Variants in LIN54 observed in about 807,000 individuals in gnomAD.
LIN54 encodes lin-54 DREAM MuvB core complex component, also known as protein lin-54 homolog.
Under a neutral mutation model 78.7 loss-of-function variants are expected in LIN54, and 9 were observed. The ratio of observed to expected loss-of-function variants is 0.11; its 90% CI spans 0.07 to 0.20. LIN54 has a LOEUF of 0.20. Among genes scored for constraint, LIN54 ranks in the 10% least tolerant of loss-of-function variants. The pLI is 1.00. For synonymous variants in LIN54, 269 were observed against 318.4 expected (o/e 0.84, Z 1.65); for missense variants, 573 against 889.9 (o/e 0.64, Z 4.53).
intron 3 of LIN54, among the ~76,000 whole-genome samples, chr4:82,978,659 G>A (rs1403320134): frequency 1.3e-5 from 2 of 152,168 alleles, no homozygotes; most frequent in African/African-American, 4.8e-5. Context: ...TTGAGACTTT[G>A]CTAGTATCAT....
chr4:82,969,102 G>A (rs866027591), intron 4 of LIN54, among the ~76,000 whole-genome samples: 6 of 152,110 alleles, frequency 3.9e-5, no homozygotes, highest in Admixed American at 3.9e-4. Context: ...TAGCACCCTC[G>A]GCTCTCACAC....
chr4:82,989,117 G>A (rs1260833862), intron 1 of LIN54, among the ~76,000 whole-genome samples: 1 of 152,006 alleles, frequency 6.6e-6, no homozygotes. Flanking sequence ...GAACCCGGGA[G>A]GCGGAGCTTG....
rs1041311561 is a variant in LIN54, at chr4:82,924,650, T to TCAA, written c.*3449_*3451dup. The TCAA allele has an allele frequency of 1.1e-4, 17 of 152,230 alleles. No individual in the cohort carries two copies. The highest frequency in any genetic ancestry group is 3.9e-4 in the African/African-American group (16 of 41,526). 9.4% of individuals were successfully genotyped at this position (152,230 alleles called of 1,614,324 possible). A position where few individuals can be genotyped will look rare whatever the true frequency, so the allele number is the denominator to read the frequency against. On this transcript the variant is annotated 3_prime_UTR_variant, in exon 13 of 13. Coordinates refer to ENST00000340417, the MANE Select transcript of LIN54 (RefSeq NM_194282.4). The stretch of plus-strand genomic sequence containing the variant: ...TTAATTAAAAAAAACCTTATAGCTT[T>TCAA]CAACTCATAAAATCACATGGATTAA...
Position 82,944,025 on chromosome 4 carries a change from C to T in LIN54, c.1168+2233G>A, listed in dbSNP as rs1017049438. On this transcript the variant is annotated intron_variant, in intron 5 of 12. Transcript: ENST00000340417. ...CTGGGATTACAGGTGTGCACCACCA[C>T]GCCCAACTAATTATTGTATTTTTTC... is the stretch of plus-strand genomic sequence containing the variant. Among the ~76,000 whole-genome samples, 15 of 151,622 alleles carry T rather than the reference C, an allele frequency of 9.9e-5. No homozygotes were observed. The East Asian group carries it at 2.7e-3, about 28-fold the overall frequency.
intron 4 of LIN54, among the ~76,000 whole-genome samples, chr4:82,952,413 A>G (rs1276554820): frequency 6.6e-6 from 1 of 152,224 alleles, no homozygotes; most frequent in Non-Finnish European, 1.5e-5. Flanking sequence ...AGTCAAAACT[A>G]CAATAAGATA....
chr4:82,995,889 T>C (rs189891948), intron 1 of LIN54, among the ~76,000 whole-genome samples: 2 of 151,444 alleles, frequency 1.3e-5, no homozygotes, highest in Admixed American at 6.6e-5. Flanking sequence ...CTCACACCTG[T>C]AATCCCAGCA....
chr4:82,946,038 A>C (rs1723325457), intron 5 of LIN54, among the ~76,000 whole-genome samples: 1 of 152,234 alleles, frequency 6.6e-6, no homozygotes, highest in South Asian at 2.1e-4. Context: ...ACAAATAATT[A>C]CTATTATCTG....
At chr4:82,946,198 CA>C in intron 5 of LIN54, 59 bp downstream of exon 5, 4 of 1,415,880 alleles carry the variant, frequency 2.8e-6, no homozygotes, top group Non-Finnish European at 3.0e-6. Flanking sequence ...AAGAAATGGA[CA>C]AATGTTCTTT....
intron 5 of LIN54, 68 bp from the exon 6 acceptor site, chr4:82,940,030 T>A: frequency 1.9e-6 from 2 of 1,040,134 alleles, no homozygotes; most frequent in Non-Finnish European, 2.9e-6. Flanking sequence ...CACTTAAGAA[T>A]ACTTAGCTCT....
At chr4:83,008,277 T>A (rs369671359) in intron 1 of LIN54, among the ~76,000 whole-genome samples, 1 of 152,192 alleles carries the variant, frequency 6.6e-6, no homozygotes, top group African/African-American at 2.4e-5. Flanking sequence ...CCTGAAGTAA[T>A]GATATTGAGG....
chr4:82,954,812 A>G lies in LIN54; in HGVS notation c.952-8338T>C, dbSNP rs148211808. ...ATGGTGCTGGTATAACAGAAGGTCC[A>G]CATGCAAAAAAAGGAATCTAGACAC... On this transcript the variant is annotated intron_variant, in intron 4 of 12. Coordinates refer to ENST00000340417, the MANE Select transcript of LIN54 (RefSeq NM_194282.4). 6.6e-5 allele frequency among the ~76,000 whole-genome samples: 10 copies of G among 152,334 alleles called. No individual in the cohort carries two copies. The East Asian group carries it at 1.9e-3, about 29-fold the overall frequency.
chr4:82,993,348 C>T (rs1727908448), intron 1 of LIN54, among the ~76,000 whole-genome samples: 1 of 151,092 alleles, frequency 6.6e-6, no homozygotes. Context: ...TCCCAAGTAG[C>T]TGGGATTATA....
rs576089051 is a variant in LIN54, at chr4:82,983,816, T to G, written c.684+345A>C. Among the ~76,000 whole-genome samples, 10 of 152,322 alleles carry G rather than the reference T, an allele frequency of 6.6e-5. No individual in the cohort carries two copies. In the South Asian group the frequency reaches 2.1e-3, roughly 32 times the overall value. On this transcript the variant is annotated intron_variant, in intron 2 of 12. Coordinates refer to ENST00000340417, the MANE Select transcript of LIN54 (RefSeq NM_194282.4). ...AAAAAAAAAATGTTGTCTACATGAT[T>G]TTTTTGATAGCCCAGCAGCAAGTCT...
chr4:82,940,674 T>TC (rs1181403197), intron 5 of LIN54, among the ~76,000 whole-genome samples: 6 of 152,260 alleles, frequency 3.9e-5, no homozygotes, highest in Admixed American at 3.9e-4. Flanking sequence ...GTGCTGGGAT[T>TC]ATAGGCGTAA....
intron 11 of LIN54, among the ~76,000 whole-genome samples, chr4:82,935,287 T>C (rs866318140): frequency 2.7e-5 from 4 of 148,234 alleles, no homozygotes; most frequent in African/African-American, 7.4e-5. Context: ...TATATATTTA[T>C]AATATATATT....
At chr4:83,007,888 TA>T (rs879392446) in intron 1 of LIN54, among the ~76,000 whole-genome samples, 257 of 146,146 alleles carry the variant, frequency 1.8e-3, no homozygotes, top group South Asian at 4.6e-3. Context: ...CCATCTCATT[TA>T]AAAAAAAAAA....
At chr4:82,974,149 G>A (rs983172524) in intron 3 of LIN54, among the ~76,000 whole-genome samples, 1 of 151,844 alleles carries the variant, frequency 6.6e-6, no homozygotes, top group East Asian at 1.9e-4. Flanking sequence ...GGCGGAGCTT[G>A]CAGTGAGCCG....
chr4:82,998,638 AAAAG>A (rs1051160143), intron 1 of LIN54, among the ~76,000 whole-genome samples: 4 of 151,918 alleles, frequency 2.6e-5, no homozygotes, highest in African/African-American at 9.7e-5. Flanking sequence ...CAGAGAAAGA[AAAAG>A]AAAGAGAAAG....
chr4:82,941,857 G>C (rs1025045499), intron 5 of LIN54, among the ~76,000 whole-genome samples: 4 of 152,198 alleles, frequency 2.6e-5, no homozygotes, highest in African/African-American at 9.6e-5. Flanking sequence ...AAGGGAGGAT[G>C]AAACTTGACA....
Sources: gnomAD v4.1 joint callset for allele counts (sites outside exome capture counted in the v4.1 genomes callset) on GRCh38, gnomAD v4.1.1 for gene constraint, MANE v1.5 for transcripts, NCBI Gene and HGNC (gene_info 2026-07-23, HGNC 2026-07-21) for gene names.